Variants in RPF2 observed in about 807,000 individuals in gnomAD.
RPF2 encodes ribosome production factor 2 homolog, also known as brix domain containing 1.
Under a neutral mutation model 38.9 loss-of-function variants are expected in RPF2, and 21 were observed. The ratio of observed to expected loss-of-function variants is 0.54; its 90% CI spans 0.38 to 0.78. RPF2 has a LOEUF of 0.78. RPF2 is among the 30% of genes least tolerant of loss of function. RPF2 has a pLI of 0.00. For synonymous variants in RPF2, 121 were observed against 126.2 expected (o/e 0.96, Z 0.28); for missense variants, 314 against 358.1 (o/e 0.88, Z 0.99).
chr6:111,011,476 C>T (rs1035782780), intron 7 of RPF2, among the ~76,000 whole-genome samples: 1 of 151,884 alleles, frequency 6.6e-6, no homozygotes, highest in Non-Finnish European at 1.5e-5. Context: ...TTAGTAAAGA[C>T]TGGGTTTCAC....
chr6:111,018,517 T>G (rs973225178), intron 8 of RPF2, among the ~76,000 whole-genome samples: 1 of 152,220 alleles, frequency 6.6e-6, no homozygotes, highest in African/African-American at 2.4e-5. Context: ...TTTATTTTGT[T>G]TTCTTCACAA....
intron 6 of RPF2, among the ~76,000 whole-genome samples, chr6:111,006,511 A>G (rs974515581): frequency 2.0e-5 from 3 of 152,140 alleles, no homozygotes; most frequent in Non-Finnish European, 2.9e-5. Flanking sequence ...TGGTGGGATT[A>G]TAGGCGTGAA....
At position 110,985,179 on chromosome 6, in the gene RPF2, T is replaced by A. The variant is rs761111489; in HGVS notation, c.156+41T>A. 4 of 1,538,274 alleles carry A rather than the reference T, an allele frequency of 2.6e-6. No individual in the cohort carries two copies. In the East Asian group the frequency reaches 7.0e-5, roughly 27 times the overall value. On this transcript the variant is annotated intron_variant, in intron 2 of 9. Transcript: ENST00000441448. Reference sequence around the variant, plus strand: ...TAATCTTTAAAAGGTATTGAAGTCATTTTAGAATTTTCAGCATGCTAGGAT... The same window carrying A: ...TAATCTTTAAAAGGTATTGAAGTCAATTTAGAATTTTCAGCATGCTAGGAT...
chr6:111,026,949 G>C lies in RPF2; in HGVS notation c.*1367G>C, dbSNP rs185695566. 6.6e-6 allele frequency: 1 copy of C among 152,338 alleles called. No individual in the cohort carries two copies. Among genetic ancestry groups the C allele is most frequent in the South Asian group, 2.1e-4 (1 of 4,824 alleles). The allele number at this position is 152,338 out of a possible 1,614,324, so 9.4% of individuals were successfully genotyped here. ...GCTGGAGTGCAGTGGCGCGATTTCA[G>C]TTCACTGCAACCTCCACCTCCCAGG... On this transcript the variant is annotated 3_prime_UTR_variant, in exon 10 of 10. Coordinates refer to ENST00000441448, the MANE Select transcript of RPF2 (RefSeq NM_032194.3).
chr6:110,984,871 A>G, intron 1 of RPF2, 135 bp from the exon 2 acceptor site: 1 of 989,394 alleles, frequency 1.0e-6, no homozygotes, highest in Non-Finnish European at 1.5e-6. Flanking sequence ...AACAAAAAAA[A>G]GAAAGTGAGA....
At chr6:111,000,326 T>A (rs1278275259) in intron 6 of RPF2, among the ~76,000 whole-genome samples, 1 of 152,122 alleles carries the variant, frequency 6.6e-6, no homozygotes, top group Non-Finnish European at 1.5e-5. Context: ...CCATGTTGCC[T>A]AGGCTGGTCT....
At position 110,982,066 on chromosome 6, in the gene RPF2, C is replaced by T. The variant is rs377222407; in HGVS notation, c.-41C>T. On this transcript the variant is annotated 5_prime_UTR_variant, in exon 1 of 10. It adds an upstream start codon to the 5' untranslated region. Coordinates refer to ENST00000441448, the MANE Select transcript of RPF2 (RefSeq NM_032194.3). ...CCGGCGCACGTAATCGCCGAGGGCA[C>T]GTGCATGCCCCCTGGTTAAGAGTTG... 3 of 1,611,714 alleles carry T rather than the reference C, an allele frequency of 1.9e-6. No homozygotes were observed. The highest frequency in any genetic ancestry group is 1.1e-5 in the South Asian group (1 of 91,028).
chr6:111,023,352 G>A (rs190564653), intron 8 of RPF2, among the ~76,000 whole-genome samples: 53 of 152,334 alleles, frequency 3.5e-4, no homozygotes, highest in Admixed American at 8.5e-4. Flanking sequence ...GTTAGTAAAT[G>A]TCTGTGCTAT....
intron 4 of RPF2, among the ~76,000 whole-genome samples, chr6:110,994,813 GT>G (rs1473050924): frequency 6.6e-6 from 1 of 150,984 alleles, no homozygotes; most frequent in Non-Finnish European, 1.5e-5. Flanking sequence ...TATGAGGGGT[GT>G]TTTATGGAAA....
intron 4 of RPF2, among the ~76,000 whole-genome samples, chr6:110,994,905 A>T (rs189211063): frequency 2.0e-5 from 3 of 151,914 alleles, no homozygotes; most frequent in African/African-American, 7.2e-5. Flanking sequence ...ATACAAAATA[A>T]ATATATATAT....
At chr6:110,997,135 GTTCTTAAAT>G (rs764917087) in intron 4 of RPF2, 39 bp from the exon 5 acceptor site, 1 of 1,210,218 alleles carries the variant, frequency 8.3e-7, no homozygotes, top group Non-Finnish European at 1.2e-6. Context: ...GATTCTTAAA[GTTCTTAAAT>G]TTATGCATGG....
At chr6:111,011,939 G>C (rs62420359) in intron 7 of RPF2, among the ~76,000 whole-genome samples, 1 of 152,128 alleles carries the variant, frequency 6.6e-6, no homozygotes, top group African/African-American at 2.4e-5. Context: ...CAGACTGTAG[G>C]GCACCAAGGG....
At chr6:111,014,284 C>T (rs1239952462) in intron 7 of RPF2, among the ~76,000 whole-genome samples, 2 of 151,936 alleles carry the variant, frequency 1.3e-5, no homozygotes, top group African/African-American at 4.8e-5. Flanking sequence ...AGGCACTTGC[C>T]ACCACACCTG....
rs546254107 is a variant in RPF2 at position 111,017,586 on chromosome 6, G to A, written c.596+1730G>A. 6.3e-3 allele frequency among the ~76,000 whole-genome samples: 947 copies of A among 150,148 alleles called. 2 individuals are homozygous for A. The highest frequency in any genetic ancestry group is 0.021 in the Middle Eastern group (6 of 284). On this transcript the variant is annotated intron_variant, in intron 8 of 9. Transcript: ENST00000441448. ...TCACCTCCCAGATGGGGTCGCGGCCGGGCAGAGGCGCTCCTCACATCCCAG... is the reference window on the plus strand; with the variant it reads ...TCACCTCCCAGATGGGGTCGCGGCCAGGCAGAGGCGCTCCTCACATCCCAG...
At chr6:111,022,097 C>T (rs1470966549) in intron 8 of RPF2, among the ~76,000 whole-genome samples, 2 of 152,144 alleles carry the variant, frequency 1.3e-5, no homozygotes, top group Middle Eastern at 3.2e-3. Flanking sequence ...GAAACAAAAT[C>T]GTTAGTAATG....
At chr6:111,019,959 G>A (rs1772201843) in intron 8 of RPF2, among the ~76,000 whole-genome samples, 2 of 148,966 alleles carry the variant, frequency 1.3e-5, no homozygotes, top group Admixed American at 1.3e-4. Flanking sequence ...ATGTTGCCCA[G>A]GCTGGAGTGC....
intron 4 of RPF2, among the ~76,000 whole-genome samples, chr6:110,996,616 A>T (rs948791482): frequency 2.6e-5 from 4 of 152,212 alleles, no homozygotes; most frequent in Non-Finnish European, 5.9e-5. Flanking sequence ...GTTTCATTTT[A>T]TTTATTAACT....
rs965280496 is a variant in RPF2, at chr6:110,991,072, G to A, written c.195-675G>A. 3.3e-5 allele frequency among the ~76,000 whole-genome samples: 5 copies of A among 152,170 alleles called. No individual in the cohort carries two copies. The East Asian group carries it at 7.7e-4, about 24-fold the overall frequency. On this transcript the variant is annotated intron_variant, in intron 3 of 9. Transcript: ENST00000441448. ...CCTCCCCTTATTAAAATCTGGGTATGCTCGTCTCTTACATAAAATGGCCTA... is the reference window on the plus strand; with the variant it reads ...CCTCCCCTTATTAAAATCTGGGTATACTCGTCTCTTACATAAAATGGCCTA...
intron 7 of RPF2, 89 bp from the exon 8 acceptor site, chr6:111,015,665 G>A (rs1211721781): frequency 1.1e-6 from 1 of 879,550 alleles, no homozygotes; most frequent in African/African-American, 1.7e-5. Context: ...GATAAGTATT[G>A]GAGCAAAACT....
Sources: gnomAD v4.1 joint callset for allele counts (sites outside exome capture counted in the v4.1 genomes callset) on GRCh38, gnomAD v4.1.1 for gene constraint, MANE v1.5 for transcripts, NCBI Gene and HGNC (gene_info 2026-07-23, HGNC 2026-07-21) for gene names.